MYL4: variants seen among roughly 807,000 people sequenced by gnomAD.
MYL4 encodes myosin light chain 4.
Under a neutral mutation model 21.6 loss-of-function variants are expected in MYL4, and 16 were observed. The observed-to-expected ratio is 0.74, with a 90% CI of 0.50 to 1.12. The LOEUF (loss-of-function observed/expected upper bound fraction) is 1.12. Among genes scored for constraint, MYL4 ranks in the 50% most tolerant of loss-of-function variants. The pLI is 0.00. For missense variants in MYL4, 249 were observed against 252.9 expected, an observed-to-expected ratio of 0.98 and a Z score of 0.11; for synonymous variants, 82 against 95.7, an observed-to-expected ratio of 0.86 and a Z score of 0.83.
In MYL4 at chr17:47,222,436, A is replaced by G. The variant is rs755977099; in HGVS notation, c.544A>G (p.Asn182Asp). Residue 182 changes from asparagine (N) to aspartate (D), a missense_variant, in exon 5 of 7, where the codon AAT becomes GAT. Physicochemically the swap from Asn to Asp is conservative, Grantham distance 23. Coordinates refer to ENST00000393450, the MANE Select transcript of MYL4 (RefSeq NM_002476.2). ...EQLLAGQEDA[N>D]GCINYEAFVK... The stretch of plus-strand genomic sequence containing the variant: ...GCTGTTAGCTGGGCAAGAGGATGCC[A>G]ATGGCTGCATCAATTATGAAGGTAT... The G allele has an allele frequency of 1.3e-5, 21 of 1,614,026 alleles. No homozygotes were observed. In the African/African-American group the frequency reaches 2.8e-4, roughly 22 times the overall value.
At chr17:47,210,736 C>T (rs200943969) in intron 1 of MYL4, among the ~76,000 whole-genome samples, 1 of 68,220 alleles carries the variant, frequency 1.5e-5, no homozygotes, top group Non-Finnish European at 2.9e-5. Context: ...GGGACAGGAA[C>T]TGCTTAGCCA....
the MYL4 span, among the ~76,000 whole-genome samples, chr17:47,190,625 TC>T: frequency 6.6e-6 from 1 of 152,180 alleles, no homozygotes; most frequent in African/African-American, 2.4e-5. Context: ...CCTTGTCTTG[TC>T]ACTGTATATA....
At chr17:47,200,223 G>A (rs2064704583), upstream of MYL4, among the ~76,000 whole-genome samples, 1 of 150,538 alleles carries the variant, frequency 6.6e-6, no homozygotes, top group Admixed American at 6.7e-5. Flanking sequence ...AAGTAAAAGA[G>A]GAAGTCAGTG....
At chr17:47,221,648 T>C in intron 3 of MYL4, 34 bp from the exon 4 acceptor site, 1 of 1,592,078 alleles carries the variant, frequency 6.3e-7, no homozygotes, top group Non-Finnish European at 8.6e-7. Context: ...CCTGCTCACA[T>C]TGATTTCTCT....
At chr17:47,218,930 C>T (rs148254191) in intron 2 of MYL4, among the ~76,000 whole-genome samples, 1 of 152,324 alleles carries the variant, frequency 6.6e-6, no homozygotes, top group African/African-American at 2.4e-5. Flanking sequence ...TGGTTCTGAG[C>T]TGGTAAGTAG....
chr17:47,221,576 A>T lies in MYL4; in HGVS notation c.314-106A>T, dbSNP rs2064855806. ...TACCACCCAGAATTGGCTGCAGCCC[A>T]AGCCCTGGGTGCTGTCAGACTTGGG... On this transcript the variant is annotated intron_variant, in intron 3 of 6. Transcript: ENST00000393450. The T allele has an allele frequency of 3.7e-6, 5 of 1,338,760 alleles. No individual in the cohort carries two copies. In the South Asian group the frequency reaches 6.9e-5, roughly 18 times the overall value. The allele number at this position is 1,338,760 out of a possible 1,614,324, so 82.9% of individuals were successfully genotyped here. A position where few individuals can be genotyped will look rare whatever the true frequency, so the allele number is the denominator to read the frequency against.
intron 4 of MYL4, 71 bp from the exon 5 acceptor site, chr17:47,222,309 T>C (rs770163120): frequency 1.4e-6 from 2 of 1,396,544 alleles, no homozygotes; most frequent in Non-Finnish European, 2.0e-6. Flanking sequence ...CTTAAGGGGG[T>C]ACTTGGGTAT....
At chr17:47,206,534 A>T (rs1256098236), upstream of MYL4, among the ~76,000 whole-genome samples, 4 of 152,176 alleles carry the variant, frequency 2.6e-5, no homozygotes, top group East Asian at 1.9e-4. Context: ...TTAGAAAATG[A>T]TACTGTTTTA....
chr17:47,209,701 G>T (rs558979395), intron 1 of MYL4, 144 bp downstream of exon 1: 114 of 1,212,710 alleles, frequency 9.4e-5, no homozygotes, highest in Admixed American at 1.7e-4. Context: ...CCATGGGGCA[G>T]TGGAGTGGGT....
chr17:47,221,323 C>T (rs1436808867), intron 3 of MYL4, among the ~76,000 whole-genome samples: 2 of 152,272 alleles, frequency 1.3e-5, no homozygotes, highest in Admixed American at 6.5e-5. Flanking sequence ...GAGTGTGAGG[C>T]CCGGGCCGCG....
intron 2 of MYL4, among the ~76,000 whole-genome samples, chr17:47,218,501 T>C (rs2064831469): frequency 6.6e-6 from 1 of 152,130 alleles, no homozygotes; most frequent in Non-Finnish European, 1.5e-5. Context: ...CAATGAAGAA[T>C]TGGGCCCGGG....
upstream of MYL4, among the ~76,000 whole-genome samples, chr17:47,198,371 C>T (rs905544795): frequency 1.8e-4 from 27 of 151,874 alleles, no homozygotes; most frequent in Non-Finnish European, 3.1e-4. Flanking sequence ...CTCTTTTTTT[C>T]CTCAGAAGTG....
chr17:47,212,009 G>C (rs1242413533), intron 1 of MYL4, among the ~76,000 whole-genome samples: 1 of 152,174 alleles, frequency 6.6e-6, no homozygotes, highest in Non-Finnish European at 1.5e-5. Flanking sequence ...TGGATCACCT[G>C]AGGTCAGGAG....
chr17:47,223,754 A>T (rs114282160), downstream of MYL4: 53 of 144,900 alleles, frequency 3.7e-4, no homozygotes, highest in East Asian at 1.2e-3. Flanking sequence ...TGTGTGTGTG[A>T]GAGAGAGAGA....
intron 1 of MYL4, among the ~76,000 whole-genome samples, chr17:47,211,890 T>A (rs1598652879): frequency 6.6e-6 from 1 of 151,828 alleles, no homozygotes; most frequent in Non-Finnish European, 1.5e-5. Context: ...TGGGGTGGGG[T>A]GCATAAGGAC....
upstream of MYL4, among the ~76,000 whole-genome samples, chr17:47,206,024 G>C (rs114538058): frequency 0.011 from 1,709 of 152,216 alleles, 27 homozygotes; most frequent in African/African-American, 0.039. Context: ...GAACATCTTC[G>C]AATGTTTCCT....
At chr17:47,197,965 C>T (rs2064695583), upstream of MYL4, among the ~76,000 whole-genome samples, 1 of 152,138 alleles carries the variant, frequency 6.6e-6, no homozygotes, top group Non-Finnish European at 1.5e-5. Flanking sequence ...CTTTGGGTTC[C>T]TGGCTGATGA....
At chr17:47,210,033 G>A (rs926967971) in intron 1 of MYL4, among the ~76,000 whole-genome samples, 1 of 152,164 alleles carries the variant, frequency 6.6e-6, no homozygotes, top group African/African-American at 2.4e-5. Context: ...GTTTGGGAAA[G>A]GCTTCACTCA....
At chr17:47,208,692 G>A (rs1225186636), upstream of MYL4, among the ~76,000 whole-genome samples, 2 of 152,168 alleles carry the variant, frequency 1.3e-5, no homozygotes, top group African/African-American at 4.8e-5. Flanking sequence ...TCTCCTAGGT[G>A]CCTAGGCATG....
Sources: gnomAD v4.1 joint callset for allele counts (sites outside exome capture counted in the v4.1 genomes callset) on GRCh38, gnomAD v4.1.1 for gene constraint, MANE v1.5 for transcripts, NCBI Gene and HGNC (gene_info 2026-07-23, HGNC 2026-07-21) for gene names.